Variants in KCNJ6 observed in about 807,000 individuals in gnomAD.
KCNJ6 encodes the protein potassium inwardly rectifying channel subfamily J member 6.
Under a neutral mutation model 34.2 loss-of-function variants are expected in KCNJ6, and 9 were observed. That is an observed-to-expected ratio of 0.26 (90% CI 0.16 to 0.46). KCNJ6 has a LOEUF of 0.46. KCNJ6 is among the 20% of genes least tolerant of loss of function. The pLI is 1.00. For synonymous variants in KCNJ6, 196 were observed against 207.1 expected, an observed-to-expected ratio of 0.95 and a Z score of 0.46; for missense variants, 236 against 531.3, an observed-to-expected ratio of 0.44 and a Z score of 5.46.
chr21:37,743,589 T>C (rs1385804176), intron 2 of KCNJ6, among the ~76,000 whole-genome samples: 2 of 152,124 alleles, frequency 1.3e-5, no homozygotes, highest in African/African-American at 4.8e-5. Context: ...CTCTCTTACT[T>C]TCTTCCCTCT....
intron 2 of KCNJ6, among the ~76,000 whole-genome samples, chr21:37,776,884 C>T (rs1008810262): frequency 6.6e-6 from 1 of 152,098 alleles, no homozygotes; most frequent in Admixed American, 6.6e-5. Context: ...GGGAGGATTC[C>T]CTCTTTTTCT....
intron 2 of KCNJ6, among the ~76,000 whole-genome samples, chr21:37,746,676 C>T (rs2054969171): frequency 6.6e-6 from 1 of 152,164 alleles, no homozygotes; most frequent in African/African-American, 2.4e-5. Flanking sequence ...GACAACATGA[C>T]GTCTCCTGCG....
intron 2 of KCNJ6, among the ~76,000 whole-genome samples, chr21:37,784,717 CA>C (rs1357221849): frequency 6.6e-6 from 1 of 152,056 alleles, no homozygotes; most frequent in Non-Finnish European, 1.5e-5. Flanking sequence ...TGTTTCACAT[CA>C]TAGAGTCTGT....
At chr21:37,643,156 C>T (rs543998054) in intron 3 of KCNJ6, among the ~76,000 whole-genome samples, 2 of 152,218 alleles carry the variant, frequency 1.3e-5, no homozygotes, top group East Asian at 1.9e-4. Flanking sequence ...GGCTCCAGTC[C>T]TAGTATGTTT....
intron 3 of KCNJ6, among the ~76,000 whole-genome samples, chr21:37,678,155 C>A (rs1052998892): frequency 1.3e-5 from 2 of 152,036 alleles, no homozygotes; most frequent in African/African-American, 4.8e-5. Flanking sequence ...AGGATGGGAC[C>A]TATTAGGAGA....
At chr21:37,915,103 T>C (rs900346554) in intron 1 of KCNJ6, among the ~76,000 whole-genome samples, 7 of 152,200 alleles carry the variant, frequency 4.6e-5, no homozygotes, top group Admixed American at 1.3e-4. Flanking sequence ...TGGGCTTTTA[T>C]TGGGTTTTGG....
chr21:37,855,929 T>C (rs776059002), intron 1 of KCNJ6, among the ~76,000 whole-genome samples: 2 of 152,230 alleles, frequency 1.3e-5, no homozygotes, highest in Non-Finnish European at 2.9e-5. Flanking sequence ...CCTCTGTCCC[T>C]GACAGGCAGC....
At chr21:37,840,428 C>T (rs1009259521) in intron 2 of KCNJ6, among the ~76,000 whole-genome samples, 1 of 152,178 alleles carries the variant, frequency 6.6e-6, no homozygotes, top group African/African-American at 2.4e-5. Context: ...TATTCTTCAG[C>T]TCCATACTGT....
chr21:37,838,346 G>A (rs566533380), intron 2 of KCNJ6, among the ~76,000 whole-genome samples: 32 of 152,228 alleles, frequency 2.1e-4, no homozygotes, highest in Non-Finnish European at 2.9e-4. Flanking sequence ...TAATCAGTAC[G>A]GTACCCTTCC....
intron 2 of KCNJ6, among the ~76,000 whole-genome samples, chr21:37,726,379 G>A (rs1467889872): frequency 6.6e-6 from 1 of 152,124 alleles, no homozygotes; most frequent in African/African-American, 2.4e-5. Context: ...GGAGTGTAGG[G>A]ATCTCTTTCT....
chr21:37,636,422 G>C (rs1033086248), intron 3 of KCNJ6, among the ~76,000 whole-genome samples: 2 of 152,212 alleles, frequency 1.3e-5, no homozygotes, highest in African/African-American at 4.8e-5. Flanking sequence ...GCGTGTGTGC[G>C]TAGCTTTTAA....
rs1374817019 is a variant in KCNJ6 at position 37,609,024 on chromosome 21, A to C, written c.*16135T>G. 6.6e-6 allele frequency: 1 copy of C among 152,242 alleles called. No individual in the cohort carries two copies. The highest frequency in any genetic ancestry group is 1.5e-5 in the Non-Finnish European group (1 of 68,040). The allele number at this position is 152,242 out of a possible 1,614,324, so 9.4% of individuals were successfully genotyped here. On this transcript the variant is annotated 3_prime_UTR_variant, in exon 4 of 4. Coordinates refer to ENST00000609713, the MANE Select transcript of KCNJ6 (RefSeq NM_002240.5). ...CCTGCTCCCAGCATTGACGAGCTTC[A>C]TGAACCTTGAAAATGGAACACTTTA...
chr21:37,739,631 T>G (rs1219819045), intron 2 of KCNJ6, among the ~76,000 whole-genome samples: 1 of 152,202 alleles, frequency 6.6e-6, no homozygotes, highest in African/African-American at 2.4e-5. Flanking sequence ...GGTTCAATTG[T>G]TTTTCATTTT....
chr21:37,756,020 G>A (rs555016708), intron 2 of KCNJ6, among the ~76,000 whole-genome samples: 90 of 152,358 alleles, frequency 5.9e-4, no homozygotes, highest in Non-Finnish European at 9.7e-4. Flanking sequence ...TCCTCTAGAT[G>A]CTTTTGGATG....
intron 2 of KCNJ6, among the ~76,000 whole-genome samples, chr21:37,799,166 C>T (rs989655723): frequency 3.9e-5 from 6 of 152,138 alleles, no homozygotes; most frequent in Non-Finnish European, 7.4e-5. Flanking sequence ...AGTGAGAACA[C>T]GCAGTATTTG....
intron 2 of KCNJ6, among the ~76,000 whole-genome samples, chr21:37,755,646 G>T (rs1401967174): frequency 6.6e-6 from 1 of 152,214 alleles, no homozygotes; most frequent in African/African-American, 2.4e-5. Flanking sequence ...GAACAGAAAA[G>T]GTGTCCTCTC....
intron 1 of KCNJ6, among the ~76,000 whole-genome samples, chr21:37,874,603 A>G (rs143538861): frequency 6.6e-6 from 1 of 152,350 alleles, no homozygotes; most frequent in East Asian, 1.9e-4. Context: ...TGTAGGGTCT[A>G]AGGATAGAAA....
intron 3 of KCNJ6, among the ~76,000 whole-genome samples, chr21:37,685,680 CCAAAA>C (rs2054611665): frequency 2.3e-4 from 4 of 17,458 alleles, no homozygotes; most frequent in Admixed American, 2.3e-3. Flanking sequence ...GACTCTGTCT[CCAAAA>C]AAAAAAAAAA....
intron 2 of KCNJ6, among the ~76,000 whole-genome samples, chr21:37,720,583 C>T (rs1248081841): frequency 1.3e-5 from 2 of 152,186 alleles, no homozygotes; most frequent in East Asian, 3.9e-4. Flanking sequence ...TGTCATCTTT[C>T]TCTTGGGTTT....
Sources: allele counts gnomAD v4.1 joint callset (sites outside exome capture counted in the v4.1 genomes callset), GRCh38; gene constraint gnomAD v4.1.1; transcripts MANE v1.5; gene names NCBI Gene and HGNC (gene_info 2026-07-23, HGNC 2026-07-21).